Variants in RBFOX1 observed in about 807,000 individuals in gnomAD.
RBFOX1 encodes the protein RNA binding fox-1 homolog 1.
A neutral mutation model predicts 57.7 loss-of-function variants in RBFOX1; 8 were observed. The observed-to-expected ratio is 0.14, with a 90% CI of 0.08 to 0.25. The LOEUF (loss-of-function observed/expected upper bound fraction) is 0.25. Ranked by LOEUF, RBFOX1 falls within the 10% of genes least tolerant of loss-of-function variation. The probability of loss-of-function intolerance (pLI) is 1.00; values close to 1 mark genes in which losing one functional copy is unlikely to be tolerated. For synonymous variants in RBFOX1, 326 were observed against 222.4 expected, an observed-to-expected ratio of 1.47 and a Z score of -4.15; for missense variants, 611 against 548.5, an observed-to-expected ratio of 1.11 and a Z score of -1.14.
At position 5,946,842 on chromosome 16, in the gene RBFOX1, A is replaced by G. The variant is rs1349848031; in HGVS notation, c.351+79507A>G. 2.0e-5 allele frequency among the ~76,000 whole-genome samples: 3 copies of G among 152,152 alleles called. No homozygotes were observed. The highest frequency in any genetic ancestry group is 7.2e-5 in the African/African-American group (3 of 41,436). On this transcript the variant is annotated intron_variant, in intron 4 of 19. Transcript: ENST00000641259. The surrounding 1 kb of genome is among the most constrained non-coding windows in gnomAD (Gnocchi z 4.6). Reference sequence around the variant, plus strand: ...GTTGGTGATGGCAGAGATTTGGAGCATTGCTTGGTGTGAAATAAAACCCAA... The same window carrying G: ...GTTGGTGATGGCAGAGATTTGGAGCGTTGCTTGGTGTGAAATAAAACCCAA...
At chr16:5,493,227 AT>A (rs2042892598) in intron 2 of RBFOX1, among the ~76,000 whole-genome samples, 2 of 152,068 alleles carry the variant, frequency 1.3e-5, no homozygotes, top group Non-Finnish European at 2.9e-5. Context: ...GCTTATTTTC[AT>A]TTTTGTTATT....
intron 4 of RBFOX1, among the ~76,000 whole-genome samples, chr16:5,874,770 C>A (rs1320218170): frequency 6.6e-6 from 1 of 151,946 alleles, no homozygotes; most frequent in African/African-American, 2.4e-5. Context: ...GTAGCAAGAC[C>A]CTCTCTCTCC....
chr16:6,336,094 A>T (rs2083625484), intron 2 of RBFOX1, among the ~76,000 whole-genome samples: 1 of 142,674 alleles, frequency 7.0e-6, no homozygotes, highest in African/African-American at 2.5e-5. Flanking sequence ...ACAAATGGAT[A>T]CTTGCAAATA....
intron 1 of RBFOX1, among the ~76,000 whole-genome samples, chr16:6,071,176 G>T (rs2095832759): frequency 6.6e-6 from 1 of 152,012 alleles, no homozygotes; most frequent in African/African-American, 2.4e-5. Flanking sequence ...ACAAAAATTA[G>T]CGGGACGTGT....
At chr16:7,515,691 G>C (rs978146293) in intron 4 of RBFOX1, among the ~76,000 whole-genome samples, 1 of 152,200 alleles carries the variant, frequency 6.6e-6, no homozygotes, top group East Asian at 1.9e-4. Context: ...AACAGGGATG[G>C]TGCTGACTGC....
chr16:6,681,206 G>T (rs1462606254), intron 3 of RBFOX1, among the ~76,000 whole-genome samples: 1 of 152,124 alleles, frequency 6.6e-6, no homozygotes, highest in Non-Finnish European at 1.5e-5. Flanking sequence ...CAGTTACTTG[G>T]GAGGTTGAGG....
At chr16:7,204,106 G>A (rs1032210710) in intron 4 of RBFOX1, among the ~76,000 whole-genome samples, 1 of 152,216 alleles carries the variant, frequency 6.6e-6, no homozygotes, top group African/African-American at 2.4e-5. Context: ...TCCATGGGAG[G>A]TGGGAAATCC....
chr16:6,148,022 G>A (rs1169320967), intron 1 of RBFOX1, among the ~76,000 whole-genome samples: 1 of 152,198 alleles, frequency 6.6e-6, no homozygotes, highest in Non-Finnish European at 1.5e-5. Context: ...AGAAGCCAAA[G>A]GCTGGTTTCT....
chr16:5,494,471 T>A (rs1350616637), intron 2 of RBFOX1, among the ~76,000 whole-genome samples: 1 of 152,208 alleles, frequency 6.6e-6, no homozygotes, highest in Non-Finnish European at 1.5e-5. Flanking sequence ...GGGGCATTGA[T>A]GGATCTTGGG....
At chr16:7,519,795 A>G (rs530432216) in intron 5 of RBFOX1, 1 of 854,496 alleles carries the variant, frequency 1.2e-6, no homozygotes, top group Non-Finnish European at 1.4e-6. Flanking sequence ...TTGAAGCATG[A>G]TACATTTCCT....
intron 4 of RBFOX1, among the ~76,000 whole-genome samples, chr16:7,461,850 C>A (rs766786791): frequency 6.6e-6 from 1 of 152,110 alleles, no homozygotes; most frequent in African/African-American, 2.4e-5. Context: ...GGGGCACAGG[C>A]ATTTTGCAGT....
intron 3 of RBFOX1, among the ~76,000 whole-genome samples, chr16:6,694,588 A>G (rs1419881491): frequency 6.6e-6 from 1 of 150,864 alleles, no homozygotes; most frequent in African/African-American, 2.5e-5. Flanking sequence ...GCTTGGGTGC[A>G]GGAACTCAGT....
At chr16:6,933,283 AATTT>A (rs536641887) in intron 3 of RBFOX1, among the ~76,000 whole-genome samples, 13 of 152,192 alleles carry the variant, frequency 8.5e-5, no homozygotes, top group African/African-American at 2.2e-4. Flanking sequence ...ATCATAGAGT[AATTT>A]ATTTATTTAT....
At chr16:7,076,264 C>T (rs963770476) in intron 4 of RBFOX1, among the ~76,000 whole-genome samples, 5 of 151,878 alleles carry the variant, frequency 3.3e-5, no homozygotes, top group Admixed American at 2.6e-4. Context: ...GATCTCCTGA[C>T]CTCATGATCT....
At chr16:6,440,879 A>T (rs1342010406) in intron 2 of RBFOX1, among the ~76,000 whole-genome samples, 1 of 151,908 alleles carries the variant, frequency 6.6e-6, no homozygotes, top group African/African-American at 2.4e-5. Flanking sequence ...TGCAACAGTG[A>T]ACAGTATGGA....
At chr16:5,594,739 C>T (rs904344708) in intron 2 of RBFOX1, among the ~76,000 whole-genome samples, 2 of 151,996 alleles carry the variant, frequency 1.3e-5, no homozygotes, top group East Asian at 1.9e-4. Flanking sequence ...GCAAGTTGGC[C>T]CTAAACAGTT....
At chr16:7,230,903 C>G (rs2093460397) in intron 4 of RBFOX1, among the ~76,000 whole-genome samples, 1 of 152,116 alleles carries the variant, frequency 6.6e-6, no homozygotes, top group Non-Finnish European at 1.5e-5. Context: ...TCAACTTTGT[C>G]TTCCCAAGGT....
At chr16:7,524,132 G>A (rs142527932) in intron 5 of RBFOX1, among the ~76,000 whole-genome samples, 19 of 152,282 alleles carry the variant, frequency 1.2e-4, no homozygotes, top group Admixed American at 6.5e-4. Flanking sequence ...TAAGGACATC[G>A]TAGAGGCCAT....
intron 1 of RBFOX1, among the ~76,000 whole-genome samples, chr16:5,416,242 G>C (rs2067157035): frequency 6.6e-6 from 1 of 152,186 alleles, no homozygotes; most frequent in African/African-American, 2.4e-5. Context: ...AAAAAAGTGA[G>C]TCATTTGTCT....
Sources: gnomAD v4.1 joint callset for allele counts (sites outside exome capture counted in the v4.1 genomes callset) on GRCh38, gnomAD v4.1.1 for gene constraint, Gnocchi (gnomAD v3.1) non-coding constraint, MANE v1.5 for transcripts, NCBI Gene and HGNC (gene_info 2026-07-23, HGNC 2026-07-21) for gene names.